CREB5: variants seen among roughly 807,000 people sequenced by gnomAD.
CREB5 encodes the protein cyclic AMP-responsive element-binding protein 5.
A neutral mutation model predicts 57.1 loss-of-function variants in CREB5; 19 were observed. The ratio of observed to expected loss-of-function variants is 0.33; its 90% CI spans 0.23 to 0.49. CREB5 has a LOEUF of 0.49. CREB5 is among the 20% of genes least tolerant of loss of function. The probability of loss-of-function intolerance (pLI) is 0.99; values close to 1 mark genes in which losing one functional copy is unlikely to be tolerated. For synonymous variants in CREB5, 238 were observed against 238.3 expected, an observed-to-expected ratio of 1.00 and a Z score of 0.01; for missense variants, 579 against 671.6, an observed-to-expected ratio of 0.86 and a Z score of 1.52.
chr7:28,433,542 G>T (rs1400593645), intron 1 of CREB5, among the ~76,000 whole-genome samples: 2 of 152,118 alleles, frequency 1.3e-5, no homozygotes, highest in Non-Finnish European at 2.9e-5. Context: ...TGTCTATGTT[G>T]CTCAGTCTAG....
At chr7:28,311,885 A>G (rs1785285050) in intron 1 of CREB5, among the ~76,000 whole-genome samples, 1 of 152,082 alleles carries the variant, frequency 6.6e-6, no homozygotes, top group Non-Finnish European at 1.5e-5. Context: ...CTCCCTCCCC[A>G]GTGTCGGTCT....
chr7:28,442,670 T>C (rs1473277804), intron 1 of CREB5, among the ~76,000 whole-genome samples: 1 of 152,180 alleles, frequency 6.6e-6, no homozygotes, highest in Non-Finnish European at 1.5e-5. Flanking sequence ...TGAGATGATA[T>C]CTCGTTGTGG....
At chr7:28,494,182 G>T (rs1474448640) in intron 2 of CREB5, among the ~76,000 whole-genome samples, 1 of 152,112 alleles carries the variant, frequency 6.6e-6, no homozygotes. Context: ...CAAAATTCCA[G>T]TGCTACTGAG....
At chr7:28,807,496 A>C (rs928334484) in intron 8 of CREB5, among the ~76,000 whole-genome samples, 1 of 152,224 alleles carries the variant, frequency 6.6e-6, no homozygotes, top group South Asian at 2.1e-4. Flanking sequence ...ACTAAGATGC[A>C]GTTCAACCTC....
In CREB5 at chr7:28,529,313, C is replaced by T. The variant is rs73684392; in HGVS notation, c.291+21576C>T. On this transcript the variant is annotated intron_variant, in intron 4 of 10. Coordinates refer to ENST00000357727, the MANE Select transcript of CREB5 (RefSeq NM_182898.4). ...ATAGCCAAAGCCCCGAAGGAGGTGC[C>T]AAGGTGGGAAGCACTTCCCTGTGCT... 7.1e-3 allele frequency among the ~76,000 whole-genome samples: 1,073 copies of T among 151,152 alleles called. 12 individuals are homozygous for T. The highest frequency in any genetic ancestry group is 0.025 in the African/African-American group (1,002 of 40,678).
At chr7:28,616,020 A>G (rs547699899) in intron 5 of CREB5, 1 of 152,304 alleles carries the variant, frequency 6.6e-6, no homozygotes, top group East Asian at 1.9e-4. Flanking sequence ...ATTTTTCCTG[A>G]CAATTTATTT....
chr7:28,739,074 G>C (rs770213860), intron 7 of CREB5, among the ~76,000 whole-genome samples: 1 of 152,166 alleles, frequency 6.6e-6, no homozygotes, highest in Non-Finnish European at 1.5e-5. Flanking sequence ...TCAAGCACAA[G>C]GTAAGCTCCT....
chr7:28,359,915 C>A (rs1786434170), intron 1 of CREB5, among the ~76,000 whole-genome samples: 1 of 152,070 alleles, frequency 6.6e-6, no homozygotes. Context: ...TAGGCAAAGG[C>A]CCTGAAGGGA....
intron 4 of CREB5, among the ~76,000 whole-genome samples, chr7:28,534,563 ACTT>A (rs927837034): frequency 3.9e-5 from 6 of 152,222 alleles, no homozygotes; most frequent in African/African-American, 1.4e-4. Context: ...GTAACAGGGC[ACTT>A]CTTCTGCAGC....
In CREB5 at chr7:28,804,442, T is replaced by G; in HGVS notation, c.946T>G (p.Ser316Ala). 6 of 1,613,732 alleles carry G rather than the reference T, an allele frequency of 3.7e-6. 1 individual carries two copies. Among genetic ancestry groups the G allele is most frequent in the Non-Finnish European group, 5.1e-6 (6 of 1,179,916 alleles). ...HHQQNHPHHH[S>A]HSHLHAHPAH... ...CCAGCAGAACCATCCACATCACCAC[T>G]CCCATTCCCACCTTCATGCACACCC... Residue 316 changes from serine (S) to alanine (A), a missense_variant, in exon 8 of 11, where the codon TCC becomes GCC. Ser to Ala is a moderately conservative substitution (Grantham distance 99). Coordinates refer to ENST00000357727, the MANE Select transcript of CREB5 (RefSeq NM_182898.4).
intron 5 of CREB5, among the ~76,000 whole-genome samples, chr7:28,659,792 C>T (rs1409261365): frequency 6.6e-6 from 1 of 151,966 alleles, no homozygotes; most frequent in Non-Finnish European, 1.5e-5. Context: ...ATATGCCTAC[C>T]TCCTCTCATA....
chr7:28,392,343 G>A (rs1045905252), intron 1 of CREB5, among the ~76,000 whole-genome samples: 1 of 152,038 alleles, frequency 6.6e-6, no homozygotes, highest in Non-Finnish European at 1.5e-5. Context: ...TTGATCTAAG[G>A]GACTGCTCTA....
chr7:28,716,729 A>AT (rs1442104894), intron 5 of CREB5, among the ~76,000 whole-genome samples: 9 of 152,240 alleles, frequency 5.9e-5, no homozygotes, highest in Non-Finnish European at 1.2e-4. Context: ...ACTGAGCCAC[A>AT]TCCTATACCT....
intron 1 of CREB5, among the ~76,000 whole-genome samples, chr7:28,454,682 G>A (rs1790012361): frequency 6.6e-6 from 1 of 152,170 alleles, no homozygotes; most frequent in Non-Finnish European, 1.5e-5. Flanking sequence ...TGGAGCTAAG[G>A]CCAGTGTTTG....
intron 1 of CREB5, among the ~76,000 whole-genome samples, chr7:28,424,836 A>T (rs1252150533): frequency 3.3e-5 from 5 of 152,234 alleles, no homozygotes; most frequent in Non-Finnish European, 5.9e-5. Flanking sequence ...AAGGAAAAAA[A>T]TTCTGATTTT....
intron 1 of CREB5, among the ~76,000 whole-genome samples, chr7:28,413,611 G>A (rs2128004367): frequency 6.6e-6 from 1 of 152,148 alleles, no homozygotes; most frequent in Non-Finnish European, 1.5e-5. Flanking sequence ...AATTGCTGGT[G>A]CCGATAAATT....
At chr7:28,519,283 AACAT>A (rs1793105754) in intron 4 of CREB5, among the ~76,000 whole-genome samples, 1 of 152,176 alleles carries the variant, frequency 6.6e-6, no homozygotes, top group Admixed American at 6.5e-5. Flanking sequence ...CATGTATTAC[AACAT>A]ACATGTGTAT....
chr7:28,644,147 A>G (rs1798799068), intron 5 of CREB5, among the ~76,000 whole-genome samples: 1 of 151,870 alleles, frequency 6.6e-6, no homozygotes, highest in Admixed American at 6.6e-5. Context: ...AAGAAAAGAA[A>G]AGAAAAAGAA....
At chr7:28,361,812 G>A (rs1786490899) in intron 1 of CREB5, among the ~76,000 whole-genome samples, 1 of 152,166 alleles carries the variant, frequency 6.6e-6, no homozygotes, top group African/African-American at 2.4e-5. Flanking sequence ...ATAGCACTCT[G>A]TATTGTGTCT....
Sources: allele counts gnomAD v4.1 joint callset (sites outside exome capture counted in the v4.1 genomes callset), GRCh38; gene constraint gnomAD v4.1.1; transcripts MANE v1.5; gene names NCBI Gene and HGNC (gene_info 2026-07-23, HGNC 2026-07-21).